Variants in TBC1D32 observed in about 807,000 individuals in gnomAD.
TBC1D32 encodes the protein protein broad-minded.
A neutral mutation model predicts 170.3 loss-of-function variants in TBC1D32; 151 were observed. The ratio of observed to expected loss-of-function variants is 0.89; its 90% CI spans 0.78 to 1.01. The LOEUF (loss-of-function observed/expected upper bound fraction) is 1.01, where lower values mean the gene tolerates loss of function less well. Ranked by LOEUF, TBC1D32 falls within the 50% of genes least tolerant of loss-of-function variation. The pLI is 0.00. For missense variants in TBC1D32, 1,464 were observed against 1,457.1 expected (o/e 1.00, Z -0.08); for synonymous variants, 498 against 488.0 (o/e 1.02, Z -0.27).
chr6:121,115,426 C>T (rs1052931093), intron 26 of TBC1D32, 185 bp from the exon 27 acceptor site: 8 of 422,536 alleles, frequency 1.9e-5, no homozygotes, highest in African/African-American at 8.1e-5. Flanking sequence ...AAACTTTTTA[C>T]AAATAACTTT....
rs191614650 is a variant in TBC1D32 at position 121,198,032 on chromosome 6, T to C, written c.2570+7043A>G. ...GCTGGATGCTTCCTGCCCTTGAACATTGGACTCCAAGTTCTTCAGTTTTGA... is the reference window on the plus strand; with the variant it reads ...GCTGGATGCTTCCTGCCCTTGAACACTGGACTCCAAGTTCTTCAGTTTTGA... On this transcript the variant is annotated intron_variant, in intron 22 of 31. Coordinates refer to ENST00000398212, the MANE Select transcript of TBC1D32 (RefSeq NM_152730.6). Among the ~76,000 whole-genome samples, 236 of 151,232 alleles carry C rather than the reference T, an allele frequency of 1.6e-3. 1 individual carries two copies. Among genetic ancestry groups the C allele is most frequent in the African/African-American group, 5.4e-3 (222 of 40,778 alleles).
chr6:121,299,848 A>C (rs1806199619), intron 9 of TBC1D32, among the ~76,000 whole-genome samples: 1 of 152,184 alleles, frequency 6.6e-6, no homozygotes. Context: ...GTGGGGAAAA[A>C]AAATTAAAAA....
intron 12 of TBC1D32, among the ~76,000 whole-genome samples, chr6:121,288,362 A>C (rs1804239601): frequency 6.6e-6 from 1 of 152,222 alleles, no homozygotes; most frequent in Non-Finnish European, 1.5e-5. Context: ...CCATCAGAGA[A>C]TACTATAAAC....
At chr6:121,152,635 A>C (rs1314809) in intron 24 of TBC1D32, among the ~76,000 whole-genome samples, 25,783 of 152,060 alleles carry the variant, frequency 0.17, 2,815 homozygotes, top group African/African-American at 0.28. Context: ...TTTCAGGTAC[A>C]CCAATCAAAT....
intron 30 of TBC1D32, among the ~76,000 whole-genome samples, chr6:121,094,863 C>T (rs1011541972): frequency 2.6e-5 from 4 of 152,072 alleles, no homozygotes; most frequent in South Asian, 2.1e-4. Flanking sequence ...TTTGTGGATA[C>T]GTATTTTCAA....
intron 26 of TBC1D32, among the ~76,000 whole-genome samples, chr6:121,124,045 A>G (rs1780569534): frequency 6.6e-6 from 1 of 152,068 alleles, no homozygotes; most frequent in Non-Finnish European, 1.5e-5. Context: ...TATATTGCCT[A>G]TCCCTTAAAA....
At chr6:121,253,903 A>G (rs1219765030) in intron 17 of TBC1D32, among the ~76,000 whole-genome samples, 1 of 152,094 alleles carries the variant, frequency 6.6e-6, no homozygotes, top group African/African-American at 2.4e-5. Context: ...CTCAAAGGAA[A>G]AGAAGACATT....
At chr6:121,226,433 T>A (rs1795077613) in intron 20 of TBC1D32, among the ~76,000 whole-genome samples, 1 of 152,120 alleles carries the variant, frequency 6.6e-6, no homozygotes, top group Non-Finnish European at 1.5e-5. Flanking sequence ...ATCTTTATCC[T>A]CTAGGGAAAG....
intron 4 of TBC1D32, 40 bp from the exon 5 acceptor site, chr6:121,308,141 C>T: frequency 6.3e-7 from 1 of 1,586,910 alleles, no homozygotes; most frequent in Non-Finnish European, 8.6e-7. Context: ...CACTCAGTCA[C>T]TAAAATAATG....
At chr6:121,094,806 C>T (rs1777207002) in intron 30 of TBC1D32, among the ~76,000 whole-genome samples, 1 of 152,044 alleles carries the variant, frequency 6.6e-6, no homozygotes, top group Admixed American at 6.6e-5. Flanking sequence ...TGGACATTTG[C>T]AGTGTTTCTA....
chr6:121,317,207 T>C (rs1302956508), intron 3 of TBC1D32, among the ~76,000 whole-genome samples: 1 of 152,044 alleles, frequency 6.6e-6, no homozygotes, highest in Non-Finnish European at 1.5e-5. Context: ...GATGTTTTAA[T>C]TAGAGCTTAA....
chr6:121,189,774 C>T (rs928386307), intron 22 of TBC1D32, among the ~76,000 whole-genome samples: 1 of 151,956 alleles, frequency 6.6e-6, no homozygotes, highest in African/African-American at 2.4e-5. Flanking sequence ...TATACATATA[C>T]CAGCTCATAC....
chr6:121,157,895 T>A (rs1241681357), intron 24 of TBC1D32, among the ~76,000 whole-genome samples: 1 of 152,184 alleles, frequency 6.6e-6, no homozygotes, highest in Non-Finnish European at 1.5e-5. Flanking sequence ...GAGGTTCCCT[T>A]TGTAGGTGAC....
intron 23 of TBC1D32, 33 bp from the exon 24 acceptor site, chr6:121,160,136 A>C: frequency 7.5e-7 from 1 of 1,326,586 alleles, no homozygotes; most frequent in South Asian, 1.3e-5. Context: ...GACTTTAGGA[A>C]GTGGTCTAAA....
chr6:121,268,328 T>C (rs1297919139), intron 15 of TBC1D32, among the ~76,000 whole-genome samples: 3 of 152,098 alleles, frequency 2.0e-5, no homozygotes, highest in African/African-American at 7.2e-5. Flanking sequence ...TAAAGGAGGA[T>C]GTTCAAACCC....
chr6:121,087,432 C>G (rs1212536031), intron 31 of TBC1D32, among the ~76,000 whole-genome samples: 1 of 152,086 alleles, frequency 6.6e-6, no homozygotes, highest in Non-Finnish European at 1.5e-5. Context: ...AATCTTGAGC[C>G]TAAACCAAAG....
chr6:121,126,581 G>T (rs1477178959), intron 25 of TBC1D32, 120 bp from the exon 26 acceptor site: 2 of 636,914 alleles, frequency 3.1e-6, no homozygotes, highest in Non-Finnish European at 5.4e-6. Context: ...CACTCTAAGG[G>T]AGTTCAATTC....
Position 121,269,868 on chromosome 6 carries a change from C to T in TBC1D32, c.1733+9253G>A, listed in dbSNP as rs541574498. ...ATTGACCACATAGTTGGAAGTAAAG[C>T]ACTCCTCAGGAAATGTAAAAGAACA... On this transcript the variant is annotated intron_variant, in intron 15 of 31. Transcript: ENST00000398212. Among the ~76,000 whole-genome samples, 765 of 152,236 alleles carry T rather than the reference C, an allele frequency of 5.0e-3. 3 individuals are homozygous for T. Among genetic ancestry groups the T allele is most frequent in the African/African-American group, 8.0e-3 (334 of 41,512 alleles).
chr6:121,119,539 A>G (rs1780043661), intron 26 of TBC1D32, among the ~76,000 whole-genome samples: 1 of 152,142 alleles, frequency 6.6e-6, no homozygotes, highest in Admixed American at 6.6e-5. Context: ...CGAAGAGAAA[A>G]GAAATAAAAA....
Sources: allele counts gnomAD v4.1 joint callset (sites outside exome capture counted in the v4.1 genomes callset), GRCh38; gene constraint gnomAD v4.1.1; transcripts MANE v1.5; gene names NCBI Gene and HGNC (gene_info 2026-07-23, HGNC 2026-07-21).